Variants in FREM1 observed in about 807,000 individuals in gnomAD.
The protein encoded by FREM1 is FRAS1-related extracellular matrix protein 1.
A neutral mutation model predicts 210.1 loss-of-function variants in FREM1; 220 were observed. The observed-to-expected ratio is 1.05, with a 90% CI of 0.94 to 1.17. The LOEUF (loss-of-function observed/expected upper bound fraction) is 1.17, where lower values mean the gene tolerates loss of function less well. FREM1 is among the 50% of genes most tolerant of loss of function. The probability of loss-of-function intolerance (pLI) is 0.00; values close to 1 mark genes in which losing one functional copy is unlikely to be tolerated. For missense variants in FREM1, 3,454 were observed against 2,675.5 expected (o/e 1.29, Z -6.42); for synonymous variants, 1,189 against 980.2 (o/e 1.21, Z -3.98).
At position 14,770,773 on chromosome 9, in the gene FREM1, T is replaced by G. The variant is rs1210327978; in HGVS notation, c.4891A>C (p.Thr1631Pro). 2 of 1,613,150 alleles carry G rather than the reference T, an allele frequency of 1.2e-6. No homozygotes were observed. The highest frequency in any genetic ancestry group is 1.7e-5 in the Admixed American group (1 of 59,928). ...DQLDKTAPRI[T>P]LLHSPSQVGL... is the part of the protein sequence containing the mutation. The stretch of plus-strand genomic sequence containing the variant: ...ACTTGAGAAGGGGAATGCAAGAGTG[T>G]GATACGAGGAGCTGTTTTGTCCAAT... The change falls in exon 26 of 37, where the codon ACA (threonine) becomes CCA (proline). Residue 1631 changes from threonine to proline, a missense_variant. Thr to Pro is a conservative substitution (Grantham distance 38, BLOSUM62 -1). Transcript: ENST00000380880.
intron 14 of FREM1, among the ~76,000 whole-genome samples, chr9:14,818,375 A>G (rs1444506985): frequency 6.6e-6 from 1 of 152,248 alleles, no homozygotes; most frequent in African/African-American, 2.4e-5. Flanking sequence ...CTAAACTGTC[A>G]GGATTAAACT....
At chr9:14,764,882 C>T (rs1443371831) in intron 27 of FREM1, among the ~76,000 whole-genome samples, 1 of 152,112 alleles carries the variant, frequency 6.6e-6, no homozygotes, top group African/African-American at 2.4e-5. Context: ...GGGCATTAAT[C>T]CAGGTTAACA....
chr9:14,865,302 G>A (rs1237740214), intron 2 of FREM1, among the ~76,000 whole-genome samples: 1 of 152,204 alleles, frequency 6.6e-6, no homozygotes, highest in Non-Finnish European at 1.5e-5. Flanking sequence ...CTAGGTGTGA[G>A]AAGTGCCATG....
chr9:14,782,838 C>G (rs184427627), intron 24 of FREM1, among the ~76,000 whole-genome samples: 2 of 152,172 alleles, frequency 1.3e-5, no homozygotes, highest in Admixed American at 1.3e-4. Flanking sequence ...GCAGGTGCTA[C>G]GAGCATCATT....
intron 22 of FREM1, among the ~76,000 whole-genome samples, chr9:14,791,573 G>A (rs1563936206): frequency 6.6e-6 from 1 of 152,170 alleles, no homozygotes; most frequent in African/African-American, 2.4e-5. Context: ...AACAATAAGG[G>A]TTCTGGTGCT....
chr9:14,828,165 C>T (rs1822835718), intron 10 of FREM1, among the ~76,000 whole-genome samples: 2 of 152,224 alleles, frequency 1.3e-5, no homozygotes, highest in African/African-American at 4.8e-5. Flanking sequence ...CTGACGCCAA[C>T]CTCTGACAGC....
intron 10 of FREM1, among the ~76,000 whole-genome samples, chr9:14,837,101 C>T (rs898118580): frequency 6.6e-6 from 1 of 152,194 alleles, no homozygotes; most frequent in Admixed American, 6.5e-5. Flanking sequence ...GGCCCATATG[C>T]TCCTGGCAAC....
At chr9:14,875,041 T>C (rs928918875) in intron 1 of FREM1, among the ~76,000 whole-genome samples, 1 of 152,226 alleles carries the variant, frequency 6.6e-6, no homozygotes, top group East Asian at 1.9e-4. Flanking sequence ...AGATCCGCTG[T>C]TAGTCTGATG....
At chr9:14,842,293 G>A (rs749646382) in intron 9 of FREM1, 23 bp downstream of exon 9, 10 of 1,418,730 alleles carry the variant, frequency 7.0e-6, no homozygotes, top group Non-Finnish European at 9.6e-6. Flanking sequence ...CCATTCAAAT[G>A]ATCTTAACTG....
chr9:14,744,349 T>C (rs537694199), intron 35 of FREM1, among the ~76,000 whole-genome samples: 1 of 152,142 alleles, frequency 6.6e-6, no homozygotes, highest in African/African-American at 2.4e-5. Context: ...CCACTTACAA[T>C]AAGACATTGA....
At position 14,737,327 on chromosome 9, in the gene FREM1, C is replaced by T; in HGVS notation, c.*69G>A. The T allele has an allele frequency of 1.7e-6, 2 of 1,175,878 alleles. No homozygotes were observed. Among genetic ancestry groups the T allele is most frequent in the East Asian group, 4.8e-5 (2 of 41,768 alleles). 72.8% of individuals were successfully genotyped at this position (1,175,878 alleles called of 1,614,324 possible). A position where few individuals can be genotyped will look rare whatever the true frequency, so the allele number is the denominator to read the frequency against. On this transcript the variant is annotated 3_prime_UTR_variant, in exon 37 of 37. Coordinates refer to ENST00000380880, the MANE Select transcript of FREM1 (RefSeq NM_001379081.2). The stretch of plus-strand genomic sequence containing the variant: ...TCATAACAATTTGTTTTCTATGGAG[C>T]AATATTCACAGATCCTGTGAATAAA...
At chr9:14,844,547 C>T (rs983352628) in intron 8 of FREM1, among the ~76,000 whole-genome samples, 1 of 152,136 alleles carries the variant, frequency 6.6e-6, no homozygotes, top group Non-Finnish European at 1.5e-5. Flanking sequence ...TTCTTAATGG[C>T]AGGTGCACCC....
chr9:14,907,369 T>G (rs1411500068), intron 1 of FREM1, among the ~76,000 whole-genome samples: 1 of 152,188 alleles, frequency 6.6e-6, no homozygotes, highest in Non-Finnish European at 1.5e-5. Context: ...TTTGCTTTGT[T>G]TTTTGTTTCG....
At chr9:14,799,879 GC>G (rs1163510098) in intron 20 of FREM1, among the ~76,000 whole-genome samples, 1 of 151,166 alleles carries the variant, frequency 6.6e-6, no homozygotes, top group Non-Finnish European at 1.5e-5. Context: ...CATGTGCCAT[GC>G]TGGTGTGCTG....
chr9:14,841,650 T>C, intron 9 of FREM1, 61 bp from the exon 10 acceptor site: 1 of 1,321,700 alleles, frequency 7.6e-7, no homozygotes, highest in South Asian at 1.8e-5. Flanking sequence ...CGAGGGACAA[T>C]GATATTGGAC....
rs1321004697 is a variant in FREM1, at chr9:14,861,284, TACATATATACATATATAC to T, written c.330-1818_330-1801del. Among the ~76,000 whole-genome samples, 162 of 85,434 alleles carry T rather than the reference TACATATATACATATATAC, an allele frequency of 1.9e-3. 15 individuals are homozygous for T. In the East Asian group the frequency reaches 0.062, roughly 33 times the overall value. 56.0% of individuals were successfully genotyped at this position (85,434 alleles called of 152,430 possible). On this transcript the variant is annotated intron_variant, in intron 3 of 36. Transcript: ENST00000380880. Reference sequence around the variant, plus strand: ...ACACATATACACATATATACATATATACATATATACATATATACACATATATACATATATACACATATA... The same window carrying T: ...ACACATATACACATATATACATATATACATATATACATATATACACATATA...
At chr9:14,771,066 T>C (rs939238618) in intron 25 of FREM1, among the ~76,000 whole-genome samples, 12 of 152,096 alleles carry the variant, frequency 7.9e-5, no homozygotes, top group African/African-American at 2.4e-4. Context: ...CCACTTAGGA[T>C]ACAAGTTCCG....
intron 1 of FREM1, among the ~76,000 whole-genome samples, chr9:14,876,239 G>A (rs553629118): frequency 1.3e-5 from 2 of 152,314 alleles, no homozygotes; most frequent in African/African-American, 2.4e-5. Context: ...GTCTGCAGAG[G>A]TTACTGCTGT....
intron 23 of FREM1, among the ~76,000 whole-genome samples, chr9:14,787,704 A>G (rs180959979): frequency 3.9e-5 from 6 of 152,304 alleles, no homozygotes; most frequent in Admixed American, 2.0e-4. Context: ...GAGCTCTCCT[A>G]TGTCACTGTA....
Sources: allele counts gnomAD v4.1 joint callset (sites outside exome capture counted in the v4.1 genomes callset), GRCh38; gene constraint gnomAD v4.1.1; transcripts MANE v1.5; gene names NCBI Gene and HGNC (gene_info 2026-07-23, HGNC 2026-07-21).